Variants in ATP6V0A1 observed in about 807,000 individuals in gnomAD.
The protein encoded by ATP6V0A1 is V-type proton ATPase 116 kDa subunit a 1.
A neutral mutation model predicts 105.4 loss-of-function variants in ATP6V0A1; 43 were observed. That is an observed-to-expected ratio of 0.41 (90% CI 0.32 to 0.53). The LOEUF is 0.53. Among genes scored for constraint, ATP6V0A1 ranks in the 20% least tolerant of loss-of-function variants. The pLI, the probability that ATP6V0A1 is intolerant of heterozygous loss-of-function variation, is 0.30. For synonymous variants in ATP6V0A1, 362 were observed against 372.8 expected, an observed-to-expected ratio of 0.97 and a Z score of 0.33; for missense variants, 676 against 1,051.1, an observed-to-expected ratio of 0.64 and a Z score of 4.93.
At chr17:42,481,679 A>T (rs2089524374) in intron 8 of ATP6V0A1, among the ~76,000 whole-genome samples, 1 of 152,204 alleles carries the variant, frequency 6.6e-6, no homozygotes, top group Non-Finnish European at 1.5e-5. Flanking sequence ...CCCCATGTCT[A>T]TAAAAAACTA....
Position 42,507,612 on chromosome 17 carries a change from A to G in ATP6V0A1, c.2097A>G (p.Ser699=), listed in dbSNP as rs1425676186. The change falls in exon 18 of 22, where the codon TCA becomes TCG. Residue 699 remains serine, a synonymous_variant. Transcript: ENST00000343619. ...AGCATGACCAGCTCTCCACCCACTC[A>G]GAGGACGCAGACGAGGTAAGATCCC... The part of the protein sequence containing the change: ...IIQHDQLSTH[S]EDADEPSEDE... 1 of 1,613,976 alleles carries G rather than the reference A, an allele frequency of 6.2e-7. No individual in the cohort carries two copies. Among genetic ancestry groups the G allele is most frequent in the South Asian group, 1.1e-5 (1 of 91,080 alleles).
chr17:42,496,578 T>A (rs893584598), intron 14 of ATP6V0A1: 1 of 151,642 alleles, frequency 6.6e-6, no homozygotes, highest in East Asian at 1.9e-4. Flanking sequence ...AGGTGGCTCA[T>A]GCCTGTAATC....
Position 42,461,021 on chromosome 17 carries a change from T to C in ATP6V0A1, c.117+10T>C. ...GGTTCAGTTTCGTGACGTAAGTAGT[T>C]GTGGGGCTGCGACTTGATTACTGCT... On this transcript the variant is annotated intron_variant, in intron 2 of 21. Transcript: ENST00000343619. 1 of 1,604,494 alleles carries C rather than the reference T, an allele frequency of 6.2e-7. No homozygotes were observed. The highest frequency in any genetic ancestry group is 1.1e-5 in the South Asian group (1 of 90,906).
chr17:42,497,809 G>A (rs767852520), intron 14 of ATP6V0A1, among the ~76,000 whole-genome samples: 3 of 148,878 alleles, frequency 2.0e-5, no homozygotes, highest in Admixed American at 6.7e-5. Flanking sequence ...AGGCCAAGGC[G>A]GGCGGATCAT....
At chr17:42,506,264 A>G (rs549649978) in intron 17 of ATP6V0A1, among the ~76,000 whole-genome samples, 1 of 152,378 alleles carries the variant, frequency 6.6e-6, no homozygotes, top group Non-Finnish European at 1.5e-5. Flanking sequence ...CCCCAGAACT[A>G]CTAAATTTAC....
At chr17:42,497,670 C>G (rs138956397) in intron 14 of ATP6V0A1, among the ~76,000 whole-genome samples, 2 of 146,018 alleles carry the variant, frequency 1.4e-5, no homozygotes, top group Non-Finnish European at 3.0e-5. Flanking sequence ...AAGACTCCAT[C>G]TAAAAGAAAA....
At chr17:42,514,209 G>A in intron 20 of ATP6V0A1, 80 bp from the exon 21 acceptor site, 1 of 1,506,566 alleles carries the variant, frequency 6.6e-7, no homozygotes, top group East Asian at 2.3e-5. Flanking sequence ...CCCTAGAGCA[G>A]GGGGATGGCA....
intron 17 of ATP6V0A1, chr17:42,502,679 T>G (rs959995475): frequency 2.0e-5 from 3 of 152,644 alleles, no homozygotes; most frequent in African/African-American, 7.2e-5. Flanking sequence ...AAGACCCTCC[T>G]TCTCCCTTTT....
At chr17:42,486,375 C>T (rs558488318) in intron 9 of ATP6V0A1, among the ~76,000 whole-genome samples, 1 of 151,738 alleles carries the variant, frequency 6.6e-6, no homozygotes, top group Non-Finnish European at 1.5e-5. Flanking sequence ...CACGCCACTG[C>T]ACTCCAGCCT....
Position 42,495,656 on chromosome 17 carries a change from A to G in ATP6V0A1, c.1500A>G (p.Leu500=), listed in dbSNP as rs763240009. The change falls in exon 14 of 22, where the codon CTA becomes CTG. Residue 500 remains leucine, a synonymous_variant. Coordinates refer to ENST00000343619, the MANE Select transcript of ATP6V0A1 (RefSeq NM_001130021.3). ...TEETLRGNPV[L]QLNPALPGVF... is the part of the protein sequence containing the mutation. ...AGACGCTTCGGGGGAACCCTGTTCT[A>G]CAGCTGAACCCAGCCCTCCCTGGAG... 8.7e-6 allele frequency: 14 copies of G among 1,613,944 alleles called. No homozygotes were observed. The highest frequency in any genetic ancestry group is 1.6e-4 in the Middle Eastern group (1 of 6,084).
chr17:42,521,540 G>C lies in ATP6V0A1; in HGVS notation c.*420G>C, dbSNP rs111679910. On this transcript the variant is annotated 3_prime_UTR_variant, in exon 22 of 22. Coordinates refer to ENST00000343619, the MANE Select transcript of ATP6V0A1 (RefSeq NM_001130021.3). The surrounding 1 kb of genome is among the most constrained non-coding windows in gnomAD (Gnocchi z 4.8). ...ACCGTAGTTTCTAGCAGGAGTAGTG[G>C]GGGGAGTAATACAGATTCTTCCCTA... 6.9e-4 allele frequency: 107 copies of C among 154,420 alleles called. No homozygotes were observed. The highest frequency in any genetic ancestry group is 9.9e-4 in the Non-Finnish European group (69 of 69,448). 9.6% of individuals were successfully genotyped at this position (154,420 alleles called of 1,614,324 possible).
intron 2 of ATP6V0A1, among the ~76,000 whole-genome samples, chr17:42,465,513 C>T (rs1015988856): frequency 8.6e-5 from 13 of 151,758 alleles, no homozygotes; most frequent in Non-Finnish European, 1.9e-4. Context: ...TGGTCTTGAA[C>T]TCCTGACCTC....
At chr17:42,484,953 A>G (rs7208700) in intron 9 of ATP6V0A1, among the ~76,000 whole-genome samples, 142,459 of 151,452 alleles carry the variant, frequency 0.94, 67,667 homozygotes, top group East Asian at 1. Flanking sequence ...AGATTCAAGC[A>G]ATTCTCCTGC....
At chr17:42,475,868 CTAGA>C (rs2145793518) in intron 5 of ATP6V0A1, among the ~76,000 whole-genome samples, 1 of 152,226 alleles carries the variant, frequency 6.6e-6, no homozygotes, top group East Asian at 1.9e-4. Flanking sequence ...TCAGAGAGTC[CTAGA>C]TAGAGTCTTT....
At chr17:42,497,183 G>A (rs980124017) in intron 14 of ATP6V0A1, among the ~76,000 whole-genome samples, 6 of 150,752 alleles carry the variant, frequency 4.0e-5, no homozygotes, top group Admixed American at 1.3e-4. Flanking sequence ...CACGCCTGTA[G>A]TCCTAAGGCA....
chr17:42,459,536 T>C (rs2086158056), intron 1 of ATP6V0A1, among the ~76,000 whole-genome samples: 1 of 152,234 alleles, frequency 6.6e-6, no homozygotes, highest in East Asian at 1.9e-4. Flanking sequence ...GAGATATTCT[T>C]GGGAGACCTA....
Position 42,513,139 on chromosome 17 carries a change from G to T in ATP6V0A1, c.2131-722G>T, listed in dbSNP as rs112486216. Among the ~76,000 whole-genome samples the T allele has an allele frequency of 1.7e-3, 255 of 152,262 alleles. 1 individual carries two copies. The highest frequency in any genetic ancestry group is 3.1e-3 in the Non-Finnish European group (213 of 68,008). ...GGGACAAAGGGAGCTTGAGGAAAACGAAAACAAACAAGAAACTGGAGATAT... is the reference window on the plus strand; with the variant it reads ...GGGACAAAGGGAGCTTGAGGAAAACTAAAACAAACAAGAAACTGGAGATAT... On this transcript the variant is annotated intron_variant, in intron 19 of 21. Transcript: ENST00000343619.
chr17:42,460,366 G>A (rs1477101832), intron 1 of ATP6V0A1: 2 of 153,182 alleles, frequency 1.3e-5, no homozygotes, highest in Non-Finnish European at 2.9e-5. Context: ...CAGAACTTTG[G>A]GCTTTTAGAA....
At chr17:42,508,694 C>T in intron 19 of ATP6V0A1, 105 bp downstream of exon 19, 2 of 1,467,814 alleles carry the variant, frequency 1.4e-6, no homozygotes, top group Non-Finnish European at 1.9e-6. Flanking sequence ...ATACACATGA[C>T]TCCTGTGCCT....
Sources: allele counts gnomAD v4.1 joint callset (sites outside exome capture counted in the v4.1 genomes callset), GRCh38; gene constraint gnomAD v4.1.1; non-coding constraint Gnocchi (gnomAD v3.1); transcripts MANE v1.5; gene names NCBI Gene and HGNC (gene_info 2026-07-23, HGNC 2026-07-21).